RDH14: variants seen among roughly 807,000 people sequenced by gnomAD.
RDH14 encodes the protein alcohol dehydrogenase PAN2.
Under a neutral mutation model 19.3 loss-of-function variants are expected in RDH14, and 17 were observed. The observed-to-expected ratio is 0.88, with a 90% CI of 0.60 to 1.32. The LOEUF is 1.32. Ranked by LOEUF, RDH14 falls within the 40% of genes most tolerant of loss-of-function variation. The probability of loss-of-function intolerance (pLI) is 0.00; values close to 1 mark genes in which losing one functional copy is unlikely to be tolerated. For synonymous variants in RDH14, 215 were observed against 188.9 expected (o/e 1.14, Z -1.13); for missense variants, 534 against 449.2 (o/e 1.19, Z -1.71).
rs889290692 is a variant in RDH14, at chr2:18,560,421, G to T, written c.152C>A (p.Ala51Glu). ...CGTGGCGCGGCCCAGGCCGCTGTTC[G>T]CCCCGGTGATCAGCACAGTCTTCCC... is the stretch of plus-strand genomic sequence containing the variant. ...MHGKTVLITG[A>E]NSGLGRATAA... is the part of the protein sequence containing the mutation. The change falls in exon 1 of 2, where the codon GCG becomes GAG. Residue 51 changes from alanine (A) to glutamate (E), a missense_variant. Transcript: ENST00000381249. The T allele has an allele frequency of 6.7e-7, 1 of 1,502,372 alleles. No individual in the cohort carries two copies. The highest frequency in any genetic ancestry group is 1.4e-5 in the African/African-American group (1 of 69,064). The allele number at this position is 1,502,372 out of a possible 1,614,324, so 93.1% of individuals were successfully genotyped here. A position where few individuals can be genotyped will look rare whatever the true frequency, so the allele number is the denominator to read the frequency against.
chr2:18,559,937 A>T (rs1257380118), intron 1 of RDH14, among the ~76,000 whole-genome samples: 1 of 152,006 alleles, frequency 6.6e-6, no homozygotes, highest in Non-Finnish European at 1.5e-5. Context: ...TCTTGGGCCC[A>T]TTTCTTTTTC....
rs542392850 is a variant in RDH14 at position 18,555,868 on chromosome 2, T to G, written c.394-60A>C. The stretch of plus-strand genomic sequence containing the variant: ...AAGAACACACGCCTTGTATTGCTTT[T>G]TCTGTTCATGATAATTACATTTTAA... On this transcript the variant is annotated intron_variant, in intron 1 of 1. Transcript: ENST00000381249. 1.7e-4 allele frequency: 261 copies of G among 1,516,694 alleles called. 1 individual carries two copies. The African/African-American group carries it at 3.3e-3, about 19-fold the overall frequency. The allele number at this position is 1,516,694 out of a possible 1,614,324, so 94.0% of individuals were successfully genotyped here.
At position 18,560,537 on chromosome 2, in the gene RDH14, A is replaced by C; in HGVS notation, c.36T>G (p.Ala12=). Residue 12 remains alanine, a synonymous_variant, in exon 1 of 2, where the codon GCT becomes GCG. Coordinates refer to ENST00000381249, the MANE Select transcript of RDH14 (RefSeq NM_020905.4). The part of the protein sequence containing the change: ...AVATAAAVLA[A]LGGALWLAAR... The stretch of plus-strand genomic sequence containing the variant: ...CCGCCAGCCACAGCGCCCCGCCCAG[A>C]GCGGCCAGTACTGCCGCCGCAGTGG... 6.6e-7 allele frequency: 1 copy of C among 1,507,724 alleles called. No individual in the cohort carries two copies. Among genetic ancestry groups the C allele is most frequent in the Non-Finnish European group, 8.8e-7 (1 of 1,136,284 alleles). The allele number at this position is 1,507,724 out of a possible 1,614,324, so 93.4% of individuals were successfully genotyped here. A position where few individuals can be genotyped will look rare whatever the true frequency, so the allele number is the denominator to read the frequency against.
rs779715543 is a variant in RDH14, at chr2:18,555,479, G to A, written c.723C>T (p.Thr241=). 1.4e-5 allele frequency: 22 copies of A among 1,614,112 alleles called. No individual in the cohort carries two copies. The highest frequency in any genetic ancestry group is 1.6e-4 in the Middle Eastern group (1 of 6,062). Residue 241 remains threonine, a synonymous_variant, in exon 2 of 2, where the codon ACC becomes ACT. Coordinates refer to ENST00000381249, the MANE Select transcript of RDH14 (RefSeq NM_020905.4). ...CAATACCAGGATGCAACACATTGACGGTGACATTTGTGCCTTCTAAGCGGC... is the reference window on the plus strand; with the variant it reads ...CAATACCAGGATGCAACACATTGACAGTGACATTTGTGCCTTCTAAGCGGC... ...LARRLEGTNV[T]VNVLHPGIVR... is the part of the protein sequence containing the mutation.
intron 1 of RDH14, among the ~76,000 whole-genome samples, chr2:18,559,489 G>A (rs1416985932): frequency 6.6e-6 from 1 of 152,142 alleles, no homozygotes; most frequent in East Asian, 1.9e-4. Flanking sequence ...TTATAGGCAA[G>A]GACACTTCAT....
rs1663889339 is a variant in RDH14, at chr2:18,555,545, C to T, written c.657G>A (p.Arg219=). The T allele has an allele frequency of 6.2e-7, 1 of 1,613,958 alleles. No individual in the cohort carries two copies. The highest frequency in any genetic ancestry group is 8.5e-7 in the Non-Finnish European group (1 of 1,179,990). Residue 219 remains arginine, a synonymous_variant, in exon 2 of 2, where the codon CGG becomes CGA. Coordinates refer to ENST00000381249, the MANE Select transcript of RDH14 (RefSeq NM_020905.4). ...TAAAAAGAATGTTAGCCAGTTTGCT[C>T]CGGCTATAACAAAAGCTTTTATTAT... ...QSYNKSFCYS[R]SKLANILFTR...
rs763526129 is a variant in RDH14 at position 18,555,170 on chromosome 2, C to T, written c.*21G>A. ...TATAACTGATATGCAGTTTTATAAA[C>T]AGCTCTTTTACTCCTTGTTCCTATT... On this transcript the variant is annotated 3_prime_UTR_variant, in exon 2 of 2. Transcript: ENST00000381249. 5.0e-6 allele frequency: 8 copies of T among 1,605,192 alleles called. No individual in the cohort carries two copies. The highest frequency in any genetic ancestry group is 1.7e-4 in the Middle Eastern group (1 of 6,042).
intron 1 of RDH14, among the ~76,000 whole-genome samples, chr2:18,556,141 A>AATC (rs1663911701): frequency 6.6e-6 from 1 of 152,220 alleles, no homozygotes; most frequent in Non-Finnish European, 1.5e-5. Flanking sequence ...GTAGAAACTA[A>AATC]ATCTAAGACT....
rs1362750241 is a variant in RDH14, at chr2:18,555,528, A to ATGTT, written c.670_673dup (p.Ile225LysfsTer71). Reference sequence around the variant, plus strand: ...GCGGGCTAGTTCCCTGGTAAAAAGAATGTTAGCCAGTTTGCTCCGGCTATA... The same window carrying ATGTT: ...GCGGGCTAGTTCCCTGGTAAAAAGAATGTTTGTTAGCCAGTTTGCTCCGGCTATA... On this transcript the variant is annotated frameshift_variant, in exon 2 of 2. Transcript: ENST00000381249. LOFTEE classifies it high-confidence loss of function. 6.2e-7 allele frequency: 1 copy of ATGTT among 1,614,198 alleles called. No individual in the cohort carries two copies. Among genetic ancestry groups the ATGTT allele is most frequent in the Admixed American group, 1.7e-5 (1 of 60,032 alleles).
rs1191825057 is a variant in RDH14 at position 18,555,107 on chromosome 2, G to A, written c.*84C>T. The A allele has an allele frequency of 7.2e-6, 11 of 1,521,174 alleles. No homozygotes were observed. The East Asian group carries it at 2.3e-4, about 31-fold the overall frequency. The allele number at this position is 1,521,174 out of a possible 1,614,324, so 94.2% of individuals were successfully genotyped here. ...CAATATCAAAATTCTTTTTCTTCAA[G>A]TAACAAGTTCTCAATCCACACCATT... On this transcript the variant is annotated 3_prime_UTR_variant, in exon 2 of 2. Coordinates refer to ENST00000381249, the MANE Select transcript of RDH14 (RefSeq NM_020905.4).
rs185675117 is a variant in RDH14, at chr2:18,555,512, T to G, written c.690A>C (p.Glu230Asp). ...TTGTGCCTTCTAAGCGGCGGGCTAG[T>G]TCCCTGGTAAAAAGAATGTTAGCCA... Reference protein sequence around the residue: ...SKLANILFTRELARRLEGTNV... With the variant: ...SKLANILFTRDLARRLEGTNV... Residue 230 changes from glutamate to aspartate, a missense_variant, in exon 2 of 2, where the codon GAA (glutamate) becomes GAC (aspartate). By Grantham distance (45) the Glu-to-Asp change is conservative. Coordinates refer to ENST00000381249, the MANE Select transcript of RDH14 (RefSeq NM_020905.4). The G allele has an allele frequency of 6.2e-7, 1 of 1,614,192 alleles. No homozygotes were observed. Among genetic ancestry groups the G allele is most frequent in the East Asian group, 2.2e-5 (1 of 44,892 alleles).
intron 1 of RDH14, among the ~76,000 whole-genome samples, chr2:18,559,979 C>T (rs1664046399): frequency 1.3e-5 from 2 of 152,164 alleles, no homozygotes; most frequent in Admixed American, 1.3e-4. Flanking sequence ...GCAGCCCTCC[C>T]AGTTAGTTTC....
chr2:18,559,379 C>G (rs1664018197), intron 1 of RDH14, among the ~76,000 whole-genome samples: 1 of 152,204 alleles, frequency 6.6e-6, no homozygotes, highest in African/African-American at 2.4e-5. Flanking sequence ...AGACCACAAG[C>G]AAGTTTCTTA....
rs539844286 is a variant in RDH14, at chr2:18,559,453, G to A, written c.393+727C>T. Among the ~76,000 whole-genome samples the A allele has an allele frequency of 2.6e-5, 4 of 152,288 alleles. No individual in the cohort carries two copies. The South Asian group carries it at 6.2e-4, about 24-fold the overall frequency. ...GGATGATAATAATGCCTACTCCACA[G>A]GGTTACTGTGTAGCTTCAATGACAG... On this transcript the variant is annotated intron_variant, in intron 1 of 1. Coordinates refer to ENST00000381249, the MANE Select transcript of RDH14 (RefSeq NM_020905.4).
In RDH14 at chr2:18,555,281, T is replaced by G. The variant is rs769173735; in HGVS notation, c.921A>C (p.Lys307Asn). 23 of 1,614,028 alleles carry G rather than the reference T, an allele frequency of 1.4e-5. No individual in the cohort carries two copies. The African/African-American group carries it at 2.9e-4, about 21-fold the overall frequency. The change falls in exon 2 of 2, where the codon AAA (lysine) becomes AAC (asparagine). Residue 307 changes from lysine (K) to asparagine (N), a missense_variant. Physicochemically the swap from Lys to Asn is moderately conservative, Grantham distance 94. Transcript: ENST00000381249. ...TAGCTTTGGGCAACAGTTCTTCCTCTTTACAATCCCCAAAGTATCTTCCTG... is the reference window on the plus strand; with the variant it reads ...TAGCTTTGGGCAACAGTTCTTCCTCGTTACAATCCCCAAAGTATCTTCCTG... The part of the protein sequence containing the change: ...GVSGRYFGDC[K>N]EEELLPKAMD...
chr2:18,554,900 A>G lies in RDH14; in HGVS notation c.*291T>C, dbSNP rs190845828. 3.6e-6 allele frequency: 1 copy of G among 280,830 alleles called. No individual in the cohort carries two copies. Among genetic ancestry groups the G allele is most frequent in the East Asian group, 6.9e-5 (1 of 14,454 alleles). The allele number at this position is 280,830 out of a possible 1,614,324, so 17.4% of individuals were successfully genotyped here. A position where few individuals can be genotyped will look rare whatever the true frequency, so the allele number is the denominator to read the frequency against. ...TTTGAGTCACTTAATTCTGACAAAT[A>G]TTAATATGTCATCCATGCTTGCCCA... On this transcript the variant is annotated 3_prime_UTR_variant, in exon 2 of 2. Transcript: ENST00000381249.
intron 1 of RDH14, among the ~76,000 whole-genome samples, chr2:18,556,519 A>T (rs952938629): frequency 6.6e-6 from 1 of 152,230 alleles, no homozygotes; most frequent in Admixed American, 6.5e-5. Context: ...GATAGGAGCC[A>T]GGCTTTGTGC....
chr2:18,555,684 T>C lies in RDH14; in HGVS notation c.518A>G (p.Asn173Ser), dbSNP rs149867802. Residue 173 changes from asparagine to serine, a missense_variant, in exon 2 of 2, where the codon AAT becomes AGT. Coordinates refer to ENST00000381249, the MANE Select transcript of RDH14 (RefSeq NM_020905.4). ...ACTTTTGAGGAGTCCAAGGAGAAGATTGGTGAGTAGAAAGTGCCCCAGATG... is the reference window on the plus strand; with the variant it reads ...ACTTTTGAGGAGTCCAAGGAGAAGACTGGTGAGTAGAAAGTGCCCCAGATG... ...VNHLGHFLLT[N>S]LLLGLLKSSA... The C allele has an allele frequency of 2.0e-4, 326 of 1,614,100 alleles. No individual in the cohort carries two copies. Among genetic ancestry groups the C allele is most frequent in the East Asian group, 2.5e-4 (11 of 44,884 alleles).
Position 18,555,674 on chromosome 2 carries a change from AAGG to A in RDH14, c.525_527del (p.Leu176del). The stretch of plus-strand genomic sequence containing the variant: ...TGGGAGCTGAACTTTTGAGGAGTCC[AAGG>A]AGAAGATTGGTGAGTAGAAAGTGCC... On this transcript the variant is annotated inframe_deletion, in exon 2 of 2. Transcript: ENST00000381249. The A allele has an allele frequency of 2.5e-6, 4 of 1,614,122 alleles. No homozygotes were observed. The highest frequency in any genetic ancestry group is 3.4e-6 in the Non-Finnish European group (4 of 1,179,964).
Sources: gnomAD v4.1 joint callset for allele counts (sites outside exome capture counted in the v4.1 genomes callset) on GRCh38, gnomAD v4.1.1 for gene constraint, MANE v1.5 for transcripts, NCBI Gene and HGNC (gene_info 2026-07-23, HGNC 2026-07-21) for gene names.